Variants in KIAA1217 observed in about 807,000 individuals in gnomAD.
KIAA1217 encodes sickle tail protein homolog.
A neutral mutation model predicts 163.9 loss-of-function variants in KIAA1217; 88 were observed. That is an observed-to-expected ratio of 0.54 (90% CI 0.45 to 0.64). The LOEUF (loss-of-function observed/expected upper bound fraction) is 0.64, where lower values mean the gene tolerates loss of function less well. Among genes scored for constraint, KIAA1217 ranks in the 30% least tolerant of loss-of-function variants. The probability of loss-of-function intolerance (pLI) is 0.00; values close to 1 mark genes in which losing one functional copy is unlikely to be tolerated. For missense variants in KIAA1217, 2,372 were observed against 2,475.0 expected, an observed-to-expected ratio of 0.96 and a Z score of 0.88; for synonymous variants, 903 against 923.1, an observed-to-expected ratio of 0.98 and a Z score of 0.39.
At chr10:23,764,594 C>T (rs2130864764) in intron 1 of KIAA1217, among the ~76,000 whole-genome samples, 1 of 152,310 alleles carries the variant, frequency 6.6e-6, no homozygotes, top group Admixed American at 6.5e-5. Flanking sequence ...TACGTATACA[C>T]TATGGAATAC....
intron 17 of KIAA1217, among the ~76,000 whole-genome samples, chr10:24,537,980 G>GATA (rs1317469786): frequency 6.6e-6 from 1 of 152,086 alleles, no homozygotes; most frequent in Non-Finnish European, 1.5e-5. Context: ...TAAACTTCAG[G>GATA]ATAAAAAGCT....
At chr10:24,168,769 C>A (rs1264362822) in intron 2 of KIAA1217, among the ~76,000 whole-genome samples, 1 of 152,256 alleles carries the variant, frequency 6.6e-6, no homozygotes, top group Non-Finnish European at 1.5e-5. Flanking sequence ...TGTTCACACA[C>A]ATTAGCCTCA....
At chr10:24,436,961 A>G (rs140849983) in intron 4 of KIAA1217, among the ~76,000 whole-genome samples, 161 of 152,216 alleles carry the variant, frequency 1.1e-3, no homozygotes, top group African/African-American at 3.7e-3. Flanking sequence ...GGGAAATGCT[A>G]TGGAGAGTTC....
At chr10:24,545,197 A>G in intron 20 of KIAA1217, 94 bp downstream of exon 20, 1 of 1,550,824 alleles carries the variant, frequency 6.4e-7, no homozygotes, top group Non-Finnish European at 8.8e-7. Context: ...TTTCTTTGTA[A>G]GATAACGGTT....
At chr10:23,780,843 G>A (rs1835226249) in intron 1 of KIAA1217, among the ~76,000 whole-genome samples, 1 of 152,030 alleles carries the variant, frequency 6.6e-6, no homozygotes, top group South Asian at 2.1e-4. Context: ...ACCATGCCTG[G>A]CTAATTTTTG....
In KIAA1217 at chr10:24,160,418, G is replaced by A. The variant is rs142938811; in HGVS notation, c.-170-59208G>A. 1.6e-3 allele frequency among the ~76,000 whole-genome samples: 248 copies of A among 151,460 alleles called. 1 individual carries two copies. The highest frequency in any genetic ancestry group is 4.3e-3 in the African/African-American group (179 of 41,242). ...TTTTTAAGCCATGTTTTATACTCTC[G>A]GTGTACATATAGTACACATCTTTTG... On this transcript the variant is annotated intron_variant, in intron 2 of 18. Transcript: ENST00000376462.
chr10:24,154,662 G>A lies in KIAA1217; in HGVS notation c.-170-64964G>A, dbSNP rs61850367. On this transcript the variant is annotated intron_variant, in intron 2 of 18. Transcript: ENST00000376462. Reference sequence around the variant, plus strand: ...GGCTGAGGCAAGTGGATCACCTTAGGTCAGGAGTTCGAGACCTTCCTGGCC... The same window carrying A: ...GGCTGAGGCAAGTGGATCACCTTAGATCAGGAGTTCGAGACCTTCCTGGCC... Among the ~76,000 whole-genome samples, 574 of 152,132 alleles carry A rather than the reference G, an allele frequency of 3.8e-3. 2 individuals carry two copies. The highest frequency in any genetic ancestry group is 6.4e-3 in the Non-Finnish European group (438 of 67,984).
intron 1 of KIAA1217, among the ~76,000 whole-genome samples, chr10:23,774,287 G>A (rs959769731): frequency 1.3e-5 from 2 of 152,188 alleles, no homozygotes; most frequent in Admixed American, 1.3e-4. Context: ...AAGGACTGGC[G>A]AAAGAGGTGA....
At chr10:24,081,561 C>T (rs2061539392) in intron 2 of KIAA1217, among the ~76,000 whole-genome samples, 2 of 152,316 alleles carry the variant, frequency 1.3e-5, no homozygotes, top group Non-Finnish European at 2.9e-5. Flanking sequence ...CTGTTTTCAG[C>T]TTCTTGCCTT....
chr10:24,525,139 G>C lies in KIAA1217; in HGVS notation c.2898+375G>C, dbSNP rs143069929. Among the ~76,000 whole-genome samples, 399 of 152,274 alleles carry C rather than the reference G, an allele frequency of 2.6e-3. 1 individual carries two copies. The highest frequency in any genetic ancestry group is 9.5e-3 in the African/African-American group (393 of 41,552). The stretch of plus-strand genomic sequence containing the variant: ...GTGTGTGGCATTTGCCAATTTCCAT[G>C]GTGTAAATATCGCAACCATGGCTGA... On this transcript the variant is annotated intron_variant, in intron 13 of 20. Coordinates refer to ENST00000376454, the MANE Select transcript of KIAA1217 (RefSeq NM_019590.5).
chr10:24,389,769 G>A (rs1277287721), intron 3 of KIAA1217, among the ~76,000 whole-genome samples: 2 of 152,136 alleles, frequency 1.3e-5, no homozygotes, highest in Admixed American at 6.5e-5. Flanking sequence ...AATGTGCTGG[G>A]TTCTGGAAGG....
intron 2 of KIAA1217, chr10:24,239,330 G>T: frequency 1.0e-6 from 1 of 983,252 alleles, no homozygotes; most frequent in Non-Finnish European, 1.2e-6. Context: ...GTGGAGCTCT[G>T]GGTACAGGTA....
intron 3 of KIAA1217, among the ~76,000 whole-genome samples, chr10:24,384,111 G>A (rs372843523): frequency 1.2e-4 from 18 of 152,270 alleles, no homozygotes; most frequent in South Asian, 8.3e-4. Context: ...ATGCCGACTG[G>A]ATACTTTGAG....
At chr10:24,509,013 C>T (rs1326087731) in intron 9 of KIAA1217, among the ~76,000 whole-genome samples, 1 of 152,164 alleles carries the variant, frequency 6.6e-6, no homozygotes, top group African/African-American at 2.4e-5. Context: ...TCGAACGGTG[C>T]ACTTAAGATG....
At chr10:24,254,779 G>C (rs1358804096) in intron 2 of KIAA1217, among the ~76,000 whole-genome samples, 1 of 152,030 alleles carries the variant, frequency 6.6e-6, no homozygotes, top group Non-Finnish European at 1.5e-5. Flanking sequence ...CTCTAACCTT[G>C]GGCTATATGT....
chr10:23,763,275 A>G (rs1404801705), intron 1 of KIAA1217, among the ~76,000 whole-genome samples: 2 of 152,230 alleles, frequency 1.3e-5, no homozygotes, highest in African/African-American at 4.8e-5. Flanking sequence ...TAAATTTCAT[A>G]TGGAATCAAA....
chr10:24,176,718 C>T (rs537359743), intron 2 of KIAA1217, among the ~76,000 whole-genome samples: 19 of 152,382 alleles, frequency 1.2e-4, no homozygotes, highest in African/African-American at 2.9e-4. Flanking sequence ...AGTACTGTGC[C>T]GTGCACCCAC....
chr10:24,302,619 A>G (rs1028970658), intron 2 of KIAA1217, among the ~76,000 whole-genome samples: 9 of 152,346 alleles, frequency 5.9e-5, no homozygotes, highest in Admixed American at 1.3e-4. Flanking sequence ...TATTAGTGCC[A>G]GGATTTCAGA....
chr10:24,120,830 A>G (rs1173585557), intron 2 of KIAA1217, among the ~76,000 whole-genome samples: 3 of 152,306 alleles, frequency 2.0e-5, no homozygotes, highest in South Asian at 4.1e-4. Context: ...TTATGAACCT[A>G]TATTCCAGTC....
Sources: gnomAD v4.1 joint callset for allele counts (sites outside exome capture counted in the v4.1 genomes callset) on GRCh38, gnomAD v4.1.1 for gene constraint, MANE v1.5 for transcripts, NCBI Gene and HGNC (gene_info 2026-07-23, HGNC 2026-07-21) for gene names.